The following ARMC8 variants were observed in gnomAD, a reference collection of about 807,000 sequenced individuals.
The protein encoded by ARMC8 is armadillo repeat-containing protein 8.
ARMC8 carries 20 observed loss-of-function variants against 99.3 expected under a neutral mutation model. The observed-to-expected ratio is 0.20, with a 90% CI of 0.14 to 0.29. ARMC8 has a LOEUF of 0.29. Ranked by LOEUF, ARMC8 falls within the 10% of genes least tolerant of loss-of-function variation. The pLI is 1.00. For missense variants in ARMC8, 569 were observed against 809.5 expected (o/e 0.70, Z 3.60); for synonymous variants, 263 against 278.3 (o/e 0.95, Z 0.55).
At chr3:138,229,828 C>A (rs1447218606) in intron 6 of ARMC8, among the ~76,000 whole-genome samples, 2 of 152,174 alleles carry the variant, frequency 1.3e-5, no homozygotes, top group East Asian at 3.8e-4. Context: ...TAATTATCTT[C>A]TGATGATATT....
chr3:138,281,056 T>A (rs922857276), intron 18 of ARMC8, among the ~76,000 whole-genome samples: 8 of 152,150 alleles, frequency 5.3e-5, no homozygotes, highest in Non-Finnish European at 8.8e-5. Flanking sequence ...CTATAGACAA[T>A]ACATAAGCAA....
At chr3:138,229,612 A>T (rs559088611) in intron 6 of ARMC8, among the ~76,000 whole-genome samples, 1 of 152,188 alleles carries the variant, frequency 6.6e-6, no homozygotes, top group South Asian at 2.1e-4. Flanking sequence ...CTTGTTCCCT[A>T]TTACTGGAAA....
chr3:138,263,994 A>G, intron 13 of ARMC8, 137 bp from the exon 14 acceptor site: 1 of 954,236 alleles, frequency 1.0e-6, no homozygotes, highest in Non-Finnish European at 1.6e-6. Flanking sequence ...CAAACCCCAT[A>G]AAGTGGTCTG....
rs1159363570 is a variant in ARMC8 at position 138,273,068 on chromosome 3, G to A, written c.1581G>A (p.Val527=). ...TATTATCAGATTCAGATTTGAATGT[G>A]CTGATGAAGACATTGGGACTTCTTA... ...FRLLSDSDLN[V]LMKTLGLLRN... is the part of the protein sequence containing the mutation. The change falls in exon 17 of 22, where the codon GTG becomes GTA. Residue 527 remains valine, a synonymous_variant. Transcript: ENST00000469044. The A allele has an allele frequency of 6.2e-7, 1 of 1,613,410 alleles. No individual in the cohort carries two copies. The highest frequency in any genetic ancestry group is 1.7e-5 in the Admixed American group (1 of 59,938).
chr3:138,223,983 G>A (rs896406417), intron 5 of ARMC8, among the ~76,000 whole-genome samples: 2 of 147,144 alleles, frequency 1.4e-5, no homozygotes, highest in South Asian at 2.2e-4. Flanking sequence ...TTTTGAGGTG[G>A]AGTCTTGCTC....
chr3:138,293,554 A>G (rs528018065), intron 21 of ARMC8, among the ~76,000 whole-genome samples: 1 of 151,768 alleles, frequency 6.6e-6, no homozygotes, highest in South Asian at 2.1e-4. Context: ...AAAAGAAAAG[A>G]GGAAGAAGAA....
At chr3:138,233,247 G>GAGC (rs994775698) in intron 6 of ARMC8, among the ~76,000 whole-genome samples, 6 of 152,132 alleles carry the variant, frequency 3.9e-5, no homozygotes, top group African/African-American at 1.4e-4. Context: ...GGAGGAAAGG[G>GAGC]AGCACACTTA....
chr3:138,211,768 C>T (rs2044707019), intron 2 of ARMC8, among the ~76,000 whole-genome samples: 1 of 152,146 alleles, frequency 6.6e-6, no homozygotes, highest in Admixed American at 6.5e-5. Context: ...TCAATTTCAT[C>T]ATCTGTAAAG....
chr3:138,286,132 G>T (rs1259741398), intron 19 of ARMC8, among the ~76,000 whole-genome samples: 1 of 152,060 alleles, frequency 6.6e-6, no homozygotes, highest in East Asian at 1.9e-4. Context: ...TAGAAGAGAT[G>T]GGGTTTCACC....
chr3:138,187,699 T>G, intron 1 of ARMC8, 100 bp downstream of exon 1: 7 of 1,287,282 alleles, frequency 5.4e-6, no homozygotes, highest in Non-Finnish European at 6.5e-6. Context: ...CACCACCCCC[T>G]GGGGTGGACC....
chr3:138,257,361 G>A (rs1015283498), intron 12 of ARMC8, among the ~76,000 whole-genome samples: 1 of 152,192 alleles, frequency 6.6e-6, no homozygotes, highest in Admixed American at 6.5e-5. Flanking sequence ...AGGTGCTCAA[G>A]CATTTCCATG....
chr3:138,262,613 ATT>A, intron 12 of ARMC8: 1 of 1,497,202 alleles, frequency 6.7e-7, no homozygotes, highest in South Asian at 1.3e-5. Flanking sequence ...AAAAAAAAAA[ATT>A]TAGGTGCCTA....
intron 15 of ARMC8, among the ~76,000 whole-genome samples, chr3:138,269,820 C>CTTT (rs77095833): frequency 3.3e-5 from 4 of 121,666 alleles, no homozygotes; most frequent in African/African-American, 1.2e-4. Context: ...TGTTTTCTTT[C>CTTT]TTTTTTTTTT....
chr3:138,223,573 C>T lies in ARMC8; in HGVS notation c.337+42C>T, dbSNP rs112669388. On this transcript the variant is annotated intron_variant, in intron 4 of 21. Transcript: ENST00000469044. The stretch of plus-strand genomic sequence containing the variant: ...TTTTTGCTCAATTAAGGTTAAGAAT[C>T]AGTTTGCAGTGCTTTAAATACTGGT... The T allele has an allele frequency of 6.9e-3, 11,076 of 1,613,836 alleles. 661 individuals carry two copies. The African/African-American group carries it at 0.13, about 19-fold the overall frequency.
At chr3:138,255,715 C>CA (rs1478807509) in intron 12 of ARMC8, among the ~76,000 whole-genome samples, 5 of 152,304 alleles carry the variant, frequency 3.3e-5, no homozygotes, top group Admixed American at 3.3e-4. Flanking sequence ...AGCGGTGACT[C>CA]ACACCTATAA....
chr3:138,283,700 TG>T (rs775576889), intron 18 of ARMC8, among the ~76,000 whole-genome samples: 6 of 152,218 alleles, frequency 3.9e-5, no homozygotes, highest in Non-Finnish European at 7.3e-5. Context: ...GCTTTGAGAA[TG>T]GAACAGCTGA....
intron 16 of ARMC8, 24 bp downstream of exon 16, chr3:138,270,156 C>T (rs1415695324): frequency 4.1e-6 from 6 of 1,474,358 alleles, no homozygotes; most frequent in South Asian, 1.1e-5. Flanking sequence ...TTATATATAT[C>T]ATAACTTACA....
chr3:138,279,901 G>T (rs904433203), intron 18 of ARMC8, among the ~76,000 whole-genome samples: 19 of 151,616 alleles, frequency 1.3e-4, no homozygotes, highest in African/African-American at 3.6e-4. Context: ...CTTTATATTG[G>T]TAATTCCTTT....
At position 138,296,270 on chromosome 3, in the gene ARMC8, G is replaced by T. The variant is rs1358549870; in HGVS notation, c.*378G>T. ...TATGTGCACGTACATGGGCCAGAAT[G>T]AATGGATGTGTGTGTGTGAGGGATA... On this transcript the variant is annotated 3_prime_UTR_variant, in exon 22 of 22. Coordinates refer to ENST00000469044, the MANE Select transcript of ARMC8 (RefSeq NM_001363941.2). 6.0e-6 allele frequency: 1 copy of T among 168,022 alleles called. No homozygotes were observed. The highest frequency in any genetic ancestry group is 1.6e-4 in the East Asian group (1 of 6,152). 10.4% of individuals were successfully genotyped at this position (168,022 alleles called of 1,614,324 possible).
Sources: gnomAD v4.1 joint callset for allele counts (sites outside exome capture counted in the v4.1 genomes callset) on GRCh38, gnomAD v4.1.1 for gene constraint, MANE v1.5 for transcripts, NCBI Gene and HGNC (gene_info 2026-07-23, HGNC 2026-07-21) for gene names.